The following NLN variants were observed in gnomAD, a reference collection of about 807,000 sequenced individuals.
NLN encodes neurolysin, also known as neurolysin, mitochondrial.
In NLN, 64 loss-of-function variants were observed where a neutral mutation model predicts 79.9. That is an observed-to-expected ratio of 0.80 (90% confidence interval 0.65 to 0.99). The LOEUF is 0.99. Among genes scored for constraint, NLN ranks in the 50% least tolerant of loss-of-function variants. The pLI is 0.00. For synonymous variants in NLN, 267 were observed against 296.6 expected (o/e 0.90, Z 1.02); for missense variants, 835 against 858.7 (o/e 0.97, Z 0.34).
intron 12 of NLN, among the ~76,000 whole-genome samples, chr5:65,817,350 T>G (rs914324588): frequency 2.0e-5 from 3 of 152,202 alleles, no homozygotes; most frequent in African/African-American, 7.2e-5. Flanking sequence ...TTCTAACTGT[T>G]CTGCTAAATA....
intron 6 of NLN, among the ~76,000 whole-genome samples, chr5:65,782,383 A>G (rs1759820422): frequency 6.6e-6 from 1 of 152,322 alleles, no homozygotes; most frequent in East Asian, 1.9e-4. Context: ...AGCCTCCTCA[A>G]AAATGTAGGT....
chr5:65,738,409 C>T (rs1280193397), intron 1 of NLN, among the ~76,000 whole-genome samples: 1 of 151,676 alleles, frequency 6.6e-6, no homozygotes, highest in African/African-American at 2.4e-5. Flanking sequence ...TATAGTGAGA[C>T]CTCGTTTCTA....
Position 65,780,424 on chromosome 5 carries a change from C to T in NLN, c.661+143C>T, listed in dbSNP as rs145741837. ...AAAAATGATCCAGTACCTAAGTCCACCACCCCTTCTACAGAAGAGACAATC... is the reference window on the plus strand; with the variant it reads ...AAAAATGATCCAGTACCTAAGTCCATCACCCCTTCTACAGAAGAGACAATC... On this transcript the variant is annotated intron_variant, in intron 5 of 12. Coordinates refer to ENST00000380985, the MANE Select transcript of NLN (RefSeq NM_020726.5). The T allele has an allele frequency of 9.1e-3, 4,688 of 517,228 alleles. 38 individuals are homozygous for T. The highest frequency in any genetic ancestry group is 0.013 in the Non-Finnish European group (3,871 of 292,846). The allele number at this position is 517,228 out of a possible 1,614,324, so 32.0% of individuals were successfully genotyped here.
chr5:65,821,683 A>G (rs182386821), intron 12 of NLN, among the ~76,000 whole-genome samples: 62 of 152,272 alleles, frequency 4.1e-4, no homozygotes, highest in African/African-American at 1.5e-3. Flanking sequence ...TTTACTCCTG[A>G]TTAGAGTCCA....
At chr5:65,722,472 T>G in intron 1 of NLN, 58 bp downstream of exon 1, 1 of 1,473,202 alleles carries the variant, frequency 6.8e-7, no homozygotes, top group East Asian at 2.6e-5. Flanking sequence ...TTTCGCCGTG[T>G]GGTGCCTGGA....
chr5:65,806,617 G>C (rs1250035078), intron 9 of NLN, among the ~76,000 whole-genome samples: 2 of 152,178 alleles, frequency 1.3e-5, no homozygotes, highest in Non-Finnish European at 2.9e-5. Context: ...TTAAGGATGA[G>C]CAACAGAAGT....
In NLN at chr5:65,733,134, C is replaced by G. The variant is rs561045486; in HGVS notation, c.41+10720C>G. 3,084 of 1,454,010 alleles carry G rather than the reference C, an allele frequency of 2.1e-3. 109 individuals carry two copies. The African/African-American group carries it at 0.046, about 22-fold the overall frequency. 90.1% of individuals were successfully genotyped at this position (1,454,010 alleles called of 1,614,324 possible). A position where few individuals can be genotyped will look rare whatever the true frequency, so the allele number is the denominator to read the frequency against. On this transcript the variant is annotated intron_variant, in intron 1 of 12. Transcript: ENST00000380985. ...CCTCTTGGGGGCCTTTATATTCTGT[C>G]ATGCTTACCTAGCTGATCGGGACAT...
intron 7 of NLN, among the ~76,000 whole-genome samples, 196 bp from the exon 8 acceptor site, chr5:65,787,922 G>A (rs184364947): frequency 4.3e-4 from 66 of 152,138 alleles, no homozygotes; most frequent in Non-Finnish European, 8.1e-4. Context: ...CAATAACCCC[G>A]AAGAGCAAAG....
intron 12 of NLN, among the ~76,000 whole-genome samples, chr5:65,819,161 C>T (rs1425423912): frequency 1.3e-5 from 2 of 151,984 alleles, no homozygotes; most frequent in African/African-American, 4.8e-5. Context: ...GGAGATAGAA[C>T]TAATTTTGAG....
chr5:65,781,174 C>A, intron 5 of NLN, 87 bp from the exon 6 acceptor site: 1 of 737,860 alleles, frequency 1.4e-6, no homozygotes, highest in East Asian at 2.6e-5. Flanking sequence ...CACAAAATTC[C>A]TAGAGCTACC....
chr5:65,809,043 C>T (rs1561211689), intron 9 of NLN: 3 of 153,454 alleles, frequency 2.0e-5, no homozygotes, highest in African/African-American at 7.2e-5. Context: ...CCCAGAAAGG[C>T]ATGGATTGAG....
chr5:65,786,953 TTACTC>T (rs761336660), intron 7 of NLN, among the ~76,000 whole-genome samples: 3 of 152,188 alleles, frequency 2.0e-5, no homozygotes, highest in Non-Finnish European at 4.4e-5. Context: ...GAACAGGTAA[TTACTC>T]TACAGTCTGA....
chr5:65,729,822 A>G lies in NLN; in HGVS notation c.41+7408A>G, dbSNP rs79793556. Among the ~76,000 whole-genome samples, 393 of 152,370 alleles carry G rather than the reference A, an allele frequency of 2.6e-3. 9 individuals carry two copies. In the East Asian group the frequency reaches 0.056, roughly 22 times the overall value. ...GGGAAGAATCCCCTGAATTAAAGAT[A>G]TGAAGAACCAAGGAAACTGATGTGT... On this transcript the variant is annotated intron_variant, in intron 1 of 12. Transcript: ENST00000380985.
At chr5:65,726,111 CAAAAAAAAA>C (rs60073030) in intron 1 of NLN, among the ~76,000 whole-genome samples, 2 of 120,980 alleles carry the variant, frequency 1.7e-5, no homozygotes, top group Non-Finnish European at 3.5e-5. Context: ...GACTCCGTCT[CAAAAAAAAA>C]AAAAAAAAAA....
intron 1 of NLN, chr5:65,733,672 G>C (rs1472473214): frequency 6.9e-7 from 1 of 1,459,478 alleles, no homozygotes; most frequent in African/African-American, 1.5e-5. Context: ...CCTGATTAGT[G>C]GGATGGATAC....
chr5:65,758,820 T>C lies in NLN; in HGVS notation c.295T>C (p.Tyr99His), dbSNP rs986933599. The C allele has an allele frequency of 6.2e-7, 1 of 1,610,450 alleles. No individual in the cohort carries two copies. Among genetic ancestry groups the C allele is most frequent in the Non-Finnish European group, 8.5e-7 (1 of 1,176,990 alleles). Residue 99 changes from tyrosine (Y) to histidine (H), a missense_variant, in exon 2 of 13, where the codon TAT becomes CAT. Transcript: ENST00000380985. ...GGCACTGGCAGATGTAGAAGTAAAG[T>C]ATATAGGTGGGTCAGATGCAGAAGC... ...LQALADVEVK[Y>H]IVERTMLDFP... is the part of the protein sequence containing the mutation.
At position 65,733,683 on chromosome 5, in the gene NLN, G is replaced by C; in HGVS notation, c.41+11269G>C. 2 of 1,433,494 alleles carry C rather than the reference G, an allele frequency of 1.4e-6. 1 individual carries two copies. Among genetic ancestry groups the C allele is most frequent in the Non-Finnish European group, 1.9e-6 (2 of 1,037,724 alleles). The allele number at this position is 1,433,494 out of a possible 1,614,324, so 88.8% of individuals were successfully genotyped here. On this transcript the variant is annotated intron_variant, in intron 1 of 12. Transcript: ENST00000380985. ...AAGGCCTGATTAGTGGGATGGATACGCTTTCTTCTGGACCCTTGGGCACTA... is the reference window on the plus strand; with the variant it reads ...AAGGCCTGATTAGTGGGATGGATACCCTTTCTTCTGGACCCTTGGGCACTA...
At chr5:65,792,727 T>A (rs1402694514) in intron 9 of NLN, 72 bp downstream of exon 9, 1 of 1,238,448 alleles carries the variant, frequency 8.1e-7, no homozygotes, top group African/African-American at 1.5e-5. Flanking sequence ...GCTGTCAGGT[T>A]TCTGCTCCTA....
intron 1 of NLN, among the ~76,000 whole-genome samples, chr5:65,751,955 G>T (rs2068855585): frequency 6.6e-6 from 1 of 152,154 alleles, no homozygotes; most frequent in Admixed American, 6.5e-5. Flanking sequence ...ATTTCACAGT[G>T]TTGGCCTGGT....
Sources: gnomAD v4.1 joint callset for allele counts (sites outside exome capture counted in the v4.1 genomes callset) on GRCh38, gnomAD v4.1.1 for gene constraint, MANE v1.5 for transcripts, NCBI Gene and HGNC (gene_info 2026-07-23, HGNC 2026-07-21) for gene names.